Variants in NFATC1 observed in about 807,000 individuals in gnomAD.
NFATC1 encodes the protein nuclear factor of activated T cells 1, also known as nuclear factor of activated T-cells, cytoplasmic 1.
NFATC1 carries 22 observed loss-of-function variants against 76.0 expected under a neutral mutation model. The observed-to-expected ratio is 0.29, with a 90% CI of 0.21 to 0.41. The LOEUF (loss-of-function observed/expected upper bound fraction) is 0.41, where lower values mean the gene tolerates loss of function less well. Among genes scored for constraint, NFATC1 ranks in the 10% least tolerant of loss-of-function variants. The pLI is 1.00. For missense variants in NFATC1, 1,357 were observed against 1,337.7 expected (o/e 1.01, Z -0.23); for synonymous variants, 704 against 613.1 (o/e 1.15, Z -2.19).
chr18:79,404,962 G>A (rs939896550), intron 1 of NFATC1, among the ~76,000 whole-genome samples: 12 of 152,252 alleles, frequency 7.9e-5, no homozygotes, highest in Non-Finnish European at 1.8e-4. Flanking sequence ...AAACGAGAAA[G>A]GTGTGTGGTT....
At chr18:79,478,227 G>A (rs867335333) in intron 8 of NFATC1, among the ~76,000 whole-genome samples, 4 of 151,496 alleles carry the variant, frequency 2.6e-5, no homozygotes, top group Non-Finnish European at 2.9e-5. Context: ...GGGCAGGCTT[G>A]TGCCTGCCAC....
chr18:79,495,819 G>A (rs141845139), intron 9 of NFATC1, among the ~76,000 whole-genome samples: 1 of 152,222 alleles, frequency 6.6e-6, no homozygotes, highest in East Asian at 1.9e-4. Flanking sequence ...GGCGTTCATG[G>A]GTGTGTCACT....
chr18:79,483,140 GT>G (rs1205261690), intron 8 of NFATC1, among the ~76,000 whole-genome samples: 10 of 88,822 alleles, frequency 1.1e-4, no homozygotes, highest in African/African-American at 1.9e-4. Flanking sequence ...GCGTGACCTG[GT>G]TCCTGGGGTG....
intron 2 of NFATC1, among the ~76,000 whole-genome samples, chr18:79,413,643 G>A (rs1423060367): frequency 3.9e-5 from 6 of 152,222 alleles, no homozygotes; most frequent in South Asian, 2.1e-4. Context: ...GGGGAGCACC[G>A]TTCGGCTGCC....
intron 9 of NFATC1, among the ~76,000 whole-genome samples, chr18:79,488,502 A>T (rs2089587627): frequency 6.6e-6 from 1 of 152,044 alleles, no homozygotes; most frequent in Non-Finnish European, 1.5e-5. Flanking sequence ...GTTCATGATG[A>T]CTGTGGGGCG....
At chr18:79,447,193 G>A (rs2144753998) in intron 3 of NFATC1, among the ~76,000 whole-genome samples, 1 of 152,366 alleles carries the variant, frequency 6.6e-6, no homozygotes, top group African/African-American at 2.4e-5. Context: ...GAGCCACGGA[G>A]CAAGGGCCGC....
intron 8 of NFATC1, among the ~76,000 whole-genome samples, chr18:79,483,944 C>T: frequency 7.0e-6 from 1 of 142,432 alleles, no homozygotes; most frequent in East Asian, 2.1e-4. Context: ...GACCTGGTTC[C>T]TGGGGTGTCA....
Position 79,448,846 on chromosome 18 carries a change from G to T in NFATC1, c.1451G>T (p.Arg484Leu). The change falls in exon 4 of 10, where the codon CGC (arginine) becomes CTC (leucine). Residue 484 changes from arginine (R) to leucine (L), a missense_variant. Physicochemically the swap from Arg to Leu is moderately radical, Grantham distance 102. Coordinates refer to ENST00000427363, the MANE Select transcript of NFATC1 (RefSeq NM_001278669.2). The stretch of plus-strand genomic sequence containing the variant: ...CTTTTCATTGGGACGGCGGACGACC[G>T]CCTGCTGCGCCCGCACGCCTTCTAC... ...LQLFIGTADD[R>L]LLRPHAFYQV... 1 of 1,613,804 alleles carries T rather than the reference G, an allele frequency of 6.2e-7. No homozygotes were observed. Among genetic ancestry groups the T allele is most frequent in the East Asian group, 2.2e-5 (1 of 44,882 alleles).
At chr18:79,455,181 C>T (rs1222614901) in intron 6 of NFATC1, among the ~76,000 whole-genome samples, 1 of 152,256 alleles carries the variant, frequency 6.6e-6, no homozygotes, top group East Asian at 1.9e-4. Context: ...TGTTCTGGTG[C>T]CGTTTTTTAA....
chr18:79,421,283 C>T (rs2097762393), intron 2 of NFATC1: 3 of 152,350 alleles, frequency 2.0e-5, no homozygotes, highest in African/African-American at 7.2e-5. Context: ...GTTCCCAGAA[C>T]TCGAGGGTTC....
At chr18:79,472,398 C>T (rs1271046987) in intron 8 of NFATC1, among the ~76,000 whole-genome samples, 2 of 152,150 alleles carry the variant, frequency 1.3e-5, no homozygotes, top group Non-Finnish European at 1.5e-5. Flanking sequence ...GGCCGCCGCC[C>T]GACCTCCATG....
intron 9 of NFATC1, among the ~76,000 whole-genome samples, chr18:79,512,822 TCTC>T (rs1471556508): frequency 6.6e-6 from 1 of 152,182 alleles, no homozygotes; most frequent in African/African-American, 2.4e-5. Context: ...GAGGGCGCCT[TCTC>T]CACGTGCTGC....
chr18:79,485,176 G>T (rs2089458300), intron 8 of NFATC1, among the ~76,000 whole-genome samples: 1 of 152,210 alleles, frequency 6.6e-6, no homozygotes, highest in South Asian at 2.1e-4. Flanking sequence ...CCTCCCTGTG[G>T]CCGACCCTGC....
At chr18:79,449,807 G>C (rs945264519) in intron 4 of NFATC1, among the ~76,000 whole-genome samples, 1 of 152,324 alleles carries the variant, frequency 6.6e-6, no homozygotes, top group African/African-American at 2.4e-5. Context: ...CTGCAGGAGT[G>C]GGGAGGAGTC....
chr18:79,502,837 C>T (rs565344958), intron 9 of NFATC1, among the ~76,000 whole-genome samples: 4 of 152,276 alleles, frequency 2.6e-5, no homozygotes, highest in South Asian at 2.1e-4. Flanking sequence ...ATTTTAGAGA[C>T]GAGGAGAAAT....
intron 3 of NFATC1, among the ~76,000 whole-genome samples, chr18:79,439,813 G>C (rs976308408): frequency 6.6e-6 from 1 of 152,196 alleles, no homozygotes; most frequent in Non-Finnish European, 1.5e-5. Context: ...TGTTTTGAGC[G>C]ATGGGGACAG....
intron 7 of NFATC1, among the ~76,000 whole-genome samples, chr18:79,462,303 A>G (rs1307489913): frequency 1.3e-5 from 2 of 152,132 alleles, no homozygotes; most frequent in African/African-American, 4.8e-5. Context: ...TAATTGGCAC[A>G]TGGAGACCAT....
chr18:79,433,489 C>A, intron 2 of NFATC1, 90 bp from the exon 3 acceptor site: 1 of 1,508,490 alleles, frequency 6.6e-7, no homozygotes, highest in South Asian at 1.1e-5. Context: ...GAAGTGTCCA[C>A]CCAAGATGGC....
rs781235103 is a variant in NFATC1, at chr18:79,410,580, TCTC to T, written c.310_312del (p.Ser104del). ...GACGGTGGGCCCGCGGGCTACTTCC[TCTC>T]CTCCGGCCACACCAGGCCTGATGGG... On this transcript the variant is annotated inframe_deletion, in exon 2 of 10. Coordinates refer to ENST00000427363, the MANE Select transcript of NFATC1 (RefSeq NM_001278669.2). This position sits in a 1 kb window ranked among gnomAD's most constrained non-coding sequence, Gnocchi z 6.7. 1.2e-6 allele frequency: 2 copies of T among 1,611,812 alleles called. No individual in the cohort carries two copies. The highest frequency in any genetic ancestry group is 1.7e-6 in the Non-Finnish European group (2 of 1,179,888).
Sources: gnomAD v4.1 joint callset for allele counts (sites outside exome capture counted in the v4.1 genomes callset) on GRCh38, gnomAD v4.1.1 for gene constraint, Gnocchi (gnomAD v3.1) non-coding constraint, MANE v1.5 for transcripts, NCBI Gene and HGNC (gene_info 2026-07-23, HGNC 2026-07-21) for gene names.